Variants in MMP28 observed in about 807,000 individuals in gnomAD.
The protein encoded by MMP28 is matrix metallopeptidase 28.
A neutral mutation model predicts 60.5 loss-of-function variants in MMP28; 55 were observed. The ratio of observed to expected loss-of-function variants is 0.91; its 90% confidence interval spans 0.73 to 1.14. The LOEUF is 1.14. MMP28 is among the 50% of genes most tolerant of loss of function. MMP28 has a pLI of 0.00. For synonymous variants in MMP28, 318 were observed against 312.5 expected, an observed-to-expected ratio of 1.02 and a Z score of -0.18; for missense variants, 686 against 738.3, an observed-to-expected ratio of 0.93 and a Z score of 0.82.
intron 2 of MMP28, 74 bp downstream of exon 2, chr17:35,779,170 G>A (rs1329184016): frequency 1.9e-6 from 3 of 1,566,696 alleles, no homozygotes; most frequent in Non-Finnish European, 2.6e-6. Context: ...AGGCTTCCAG[G>A]AGGAGGGAGG....
intron 1 of MMP28, among the ~76,000 whole-genome samples, chr17:35,788,848 T>C (rs2086730434): frequency 6.6e-6 from 1 of 152,094 alleles, no homozygotes; most frequent in South Asian, 2.1e-4. Context: ...CCCTTGGGAA[T>C]CTGTGTTACC....
rs575652183 is a variant in MMP28 at position 35,781,142 on chromosome 17, G to A, written c.112-1819C>T. Reference sequence around the variant, plus strand: ...CACAGCAAGTGTGAAGAAACAGAGCGTGAGATGAAGTCAGAGAGAGAGGCA... The same window carrying A: ...CACAGCAAGTGTGAAGAAACAGAGCATGAGATGAAGTCAGAGAGAGAGGCA... On this transcript the variant is annotated intron_variant, in intron 1 of 7. Coordinates refer to ENST00000605424, the MANE Select transcript of MMP28 (RefSeq NM_024302.5). 4.9e-4 allele frequency among the ~76,000 whole-genome samples: 74 copies of A among 152,314 alleles called. 1 individual carries two copies. Among genetic ancestry groups the A allele is most frequent in the African/African-American group, 1.8e-3 (73 of 41,580 alleles).
downstream of MMP28, chr17:35,764,288 T>C: frequency 6.6e-7 from 1 of 1,525,122 alleles, no homozygotes; most frequent in Non-Finnish European, 8.8e-7. Context: ...GCTCGGCCCC[T>C]TAGCGCTGCT....
At chr17:35,782,776 T>G (rs1375424656) in intron 1 of MMP28, among the ~76,000 whole-genome samples, 1 of 152,168 alleles carries the variant, frequency 6.6e-6, no homozygotes, top group African/African-American at 2.4e-5. Context: ...GGAATGAAAA[T>G]CTATTCCCAA....
chr17:35,760,779 A>G (rs2085801467), intron 2 of MMP28: 11 of 787,104 alleles, frequency 1.4e-5, no homozygotes, highest in African/African-American at 3.5e-5. Context: ...GCTCTGGAAA[A>G]GGAAATTATT....
chr17:35,790,800 C>T lies in MMP28; in HGVS notation c.111+4467G>A, dbSNP rs536848856. 7.2e-5 allele frequency among the ~76,000 whole-genome samples: 11 copies of T among 152,086 alleles called. No homozygotes were observed. The South Asian group carries it at 1.9e-3, about 26-fold the overall frequency. On this transcript the variant is annotated intron_variant, in intron 1 of 7. Coordinates refer to ENST00000605424, the MANE Select transcript of MMP28 (RefSeq NM_024302.5). ...GTCAGGAGTTCGAAACCAGCCTGGCCAACATAGTGAAACCTCCATCTCTCA... is the reference window on the plus strand; with the variant it reads ...GTCAGGAGTTCGAAACCAGCCTGGCTAACATAGTGAAACCTCCATCTCTCA...
rs146445952 is a variant in MMP28, at chr17:35,758,616, C to T, written c.266-2197G>A. On this transcript the variant is annotated intron_variant, in intron 2 of 2. Transcript: ENST00000615317. ...TTGAGGCAGGAGAATTGCTTGAATC[C>T]GGGGGGCAGAGGTTGCAGTGAGCTT... Among the ~76,000 whole-genome samples, 633 of 152,090 alleles carry T rather than the reference C, an allele frequency of 4.2e-3. 8 individuals carry two copies. Among genetic ancestry groups the T allele is most frequent in the African/African-American group, 0.015 (607 of 41,466 alleles).
intron 4 of MMP28, among the ~76,000 whole-genome samples, chr17:35,772,634 T>C (rs1403899114): frequency 2.6e-5 from 4 of 152,222 alleles, no homozygotes; most frequent in African/African-American, 7.2e-5. Context: ...AGGCTAGCGT[T>C]AGGCAGAAGG....
At chr17:35,793,419 C>T (rs1397675447) in intron 1 of MMP28, among the ~76,000 whole-genome samples, 1 of 152,100 alleles carries the variant, frequency 6.6e-6, no homozygotes, top group Non-Finnish European at 1.5e-5. Flanking sequence ...CCTGGGGCTG[C>T]AAAGACTCTG....
intron 2 of MMP28, 54 bp downstream of exon 2, chr17:35,779,190 G>A: frequency 6.4e-7 from 1 of 1,574,404 alleles, no homozygotes; most frequent in South Asian, 1.2e-5. Flanking sequence ...GAAATGGTCA[G>A]AGCTTGGCAT....
chr17:35,778,369 T>G (rs1555608137), intron 3 of MMP28: 1 of 162,250 alleles, frequency 6.2e-6, no homozygotes, highest in East Asian at 1.8e-4. Flanking sequence ...GTTCTGGAAT[T>G]AGATTGTGGT....
intron 1 of MMP28, among the ~76,000 whole-genome samples, chr17:35,786,622 AC>A (rs745864847): frequency 9.4e-5 from 14 of 149,336 alleles, no homozygotes; most frequent in Non-Finnish European, 1.9e-4. Context: ...CAATCCTAGC[AC>A]TTTGGAAGGC....
intron 5 of MMP28, 22 bp downstream of exon 5, chr17:35,770,045 G>C (rs770238337): frequency 9.2e-6 from 14 of 1,525,952 alleles, no homozygotes; most frequent in South Asian, 1.3e-5. Flanking sequence ...GACCAAGAGC[G>C]GGGCATGTCC....
intron 1 of MMP28, 23 bp from the exon 2 acceptor site, chr17:35,779,346 CT>C (rs1568175917): frequency 8.1e-6 from 13 of 1,596,074 alleles, no homozygotes; most frequent in Non-Finnish European, 1.1e-5. Flanking sequence ...GGAATATCTG[CT>C]TTTTCCATAG....
chr17:35,767,142 C>A, intron 7 of MMP28: 3 of 695,428 alleles, frequency 4.3e-6, no homozygotes, highest in Non-Finnish European at 7.9e-6. Flanking sequence ...AAAGGAAGGC[C>A]CAGAGCTTTC....
At chr17:35,771,552 T>C (rs1021516254) in intron 4 of MMP28, among the ~76,000 whole-genome samples, 62 of 149,864 alleles carry the variant, frequency 4.1e-4, no homozygotes, top group African/African-American at 1.4e-3. Context: ...CTGGGAGCAT[T>C]CAGTGTATGA....
At chr17:35,786,699 C>CAATAAAAAAAAAAAAAAAAAAAAAAA (rs2086657782) in intron 1 of MMP28, among the ~76,000 whole-genome samples, 1 of 71,068 alleles carries the variant, frequency 1.4e-5, no homozygotes, top group African/African-American at 6.4e-5. Context: ...CCTGTCTCTA[C>CAATAAAAAAAAAAAAAAAAAAAAAAA]AAAAAAAAAA....
intron 1 of MMP28, among the ~76,000 whole-genome samples, chr17:35,789,194 C>T (rs1453904122): frequency 6.6e-6 from 1 of 152,168 alleles, no homozygotes; most frequent in Non-Finnish European, 1.5e-5. Context: ...AACACAGGCA[C>T]ATCCAGACAG....
downstream of MMP28, among the ~76,000 whole-genome samples, chr17:35,762,196 G>T (rs1193854850): frequency 1.3e-5 from 2 of 151,964 alleles, no homozygotes; most frequent in African/African-American, 4.8e-5. Flanking sequence ...CTCCTTGTTG[G>T]TCAGGCTGGT....
Sources: gnomAD v4.1 joint callset for allele counts (sites outside exome capture counted in the v4.1 genomes callset) on GRCh38, gnomAD v4.1.1 for gene constraint, MANE v1.5 for transcripts, NCBI Gene and HGNC (gene_info 2026-07-23, HGNC 2026-07-21) for gene names.